Variants in PPME1 observed in about 807,000 individuals in gnomAD.
PPME1 encodes protein phosphatase methylesterase 1.
A neutral mutation model predicts 56.9 loss-of-function variants in PPME1; 17 were observed. The observed-to-expected ratio is 0.30, with a 90% CI of 0.20 to 0.45. PPME1 has a LOEUF of 0.45. PPME1 is among the 20% of genes least tolerant of loss of function. The pLI, the probability that PPME1 is intolerant of heterozygous loss-of-function variation, is 1.00. For missense variants in PPME1, 357 were observed against 483.2 expected, an observed-to-expected ratio of 0.74 and a Z score of 2.45; for synonymous variants, 122 against 156.2, an observed-to-expected ratio of 0.78 and a Z score of 1.63.
At chr11:74,240,421 G>A (rs1183053923) in intron 9 of PPME1, among the ~76,000 whole-genome samples, 1 of 152,184 alleles carries the variant, frequency 6.6e-6, no homozygotes, top group Non-Finnish European at 1.5e-5. Flanking sequence ...CAGGCAAGTA[G>A]TGGTAACAAG....
Position 74,171,532 on chromosome 11 carries a change from C to G in PPME1, c.101+10C>G, listed in dbSNP as rs1444415833. 5.0e-6 allele frequency: 8 copies of G among 1,607,638 alleles called. No individual in the cohort carries two copies. The highest frequency in any genetic ancestry group is 1.7e-5 in the Admixed American group (1 of 59,310). On this transcript the variant is annotated intron_variant, in intron 1 of 13. Transcript: ENST00000328257. ...CCAAGATGCGAATGGGGTACGTGAC[C>G]CATACCCCTTCTCCCTATGGGCCAG...
At chr11:74,182,716 A>T (rs758406068) in intron 1 of PPME1, among the ~76,000 whole-genome samples, 3 of 152,176 alleles carry the variant, frequency 2.0e-5, no homozygotes, top group Admixed American at 6.5e-5. Flanking sequence ...CCAAAACCAG[A>T]ATCAAAATTT....
At chr11:74,201,750 T>C (rs1305522229) in intron 1 of PPME1, among the ~76,000 whole-genome samples, 2 of 152,242 alleles carry the variant, frequency 1.3e-5, no homozygotes, top group Non-Finnish European at 2.9e-5. Context: ...GTGAATATTA[T>C]GTACTATTAC....
At chr11:74,206,150 T>C (rs1253512181) in intron 3 of PPME1, among the ~76,000 whole-genome samples, 1 of 152,224 alleles carries the variant, frequency 6.6e-6, no homozygotes, top group Non-Finnish European at 1.5e-5. Context: ...GCAAAATTTT[T>C]TGGAGGCAAA....
At chr11:74,231,503 A>G (rs544045774) in intron 7 of PPME1, among the ~76,000 whole-genome samples, 34 of 152,372 alleles carry the variant, frequency 2.2e-4, no homozygotes, top group African/African-American at 8.2e-4. Flanking sequence ...CCTTATTGTA[A>G]TAGCATATGA....
At chr11:74,227,370 A>T (rs4121670) in intron 5 of PPME1, among the ~76,000 whole-genome samples, 1 of 145,662 alleles carries the variant, frequency 6.9e-6, no homozygotes, top group Non-Finnish European at 1.5e-5. Context: ...AAAATCATCC[A>T]CAGTAGATGA....
chr11:74,232,498 T>C (rs977017818), intron 7 of PPME1, among the ~76,000 whole-genome samples: 12 of 152,218 alleles, frequency 7.9e-5, no homozygotes, highest in African/African-American at 2.9e-4. Context: ...TGATGCAGGA[T>C]TCCTGTTCTC....
intron 1 of PPME1, among the ~76,000 whole-genome samples, chr11:74,176,887 C>T (rs1857413199): frequency 6.6e-6 from 1 of 151,720 alleles, no homozygotes; most frequent in Non-Finnish European, 1.5e-5. Context: ...TGCACCACCA[C>T]ACCCAGCTAA....
In PPME1 at chr11:74,203,684, T is replaced by A. The variant is rs1320430683; in HGVS notation, c.102-44T>A. 3 of 1,466,064 alleles carry A rather than the reference T, an allele frequency of 2.0e-6. No individual in the cohort carries two copies. In the East Asian group the frequency reaches 6.8e-5, roughly 33 times the overall value. The allele number at this position is 1,466,064 out of a possible 1,614,324, so 90.8% of individuals were successfully genotyped here. A position where few individuals can be genotyped will look rare whatever the true frequency, so the allele number is the denominator to read the frequency against. On this transcript the variant is annotated intron_variant, in intron 1 of 13. Coordinates refer to ENST00000328257, the MANE Select transcript of PPME1 (RefSeq NM_016147.3). ...TTTATTGACCAAGATTTTATCTCTT[T>A]ATGCATAATTTTTCTGAAATGTCTC...
chr11:74,176,803 C>G (rs1334805246), intron 1 of PPME1, among the ~76,000 whole-genome samples: 2 of 149,842 alleles, frequency 1.3e-5, no homozygotes, highest in African/African-American at 4.9e-5. Flanking sequence ...TGATCTTGGC[C>G]CACTACAACC....
At chr11:74,253,126 A>AG (rs1286725072) in intron 13 of PPME1, among the ~76,000 whole-genome samples, 8 of 152,160 alleles carry the variant, frequency 5.3e-5, no homozygotes, top group Non-Finnish European at 8.8e-5. Flanking sequence ...TGAGAGTGAC[A>AG]GGGCAGGGTA....
chr11:74,249,123 A>C (rs1231900515), intron 11 of PPME1: 1 of 152,230 alleles, frequency 6.6e-6, no homozygotes, highest in East Asian at 1.9e-4. Flanking sequence ...AATATGGATT[A>C]TATCAAGACC....
intron 3 of PPME1, among the ~76,000 whole-genome samples, chr11:74,209,990 A>G (rs546282781): frequency 1.3e-5 from 2 of 152,122 alleles, no homozygotes; most frequent in Non-Finnish European, 2.9e-5. Context: ...TGAGCCCAGG[A>G]GTTCGAGGTT....
intron 3 of PPME1, among the ~76,000 whole-genome samples, chr11:74,207,856 A>G (rs186061317): frequency 4.3e-4 from 66 of 152,338 alleles, no homozygotes; most frequent in Admixed American, 1.2e-3. Flanking sequence ...GTACCTCTGA[A>G]GAATCTGGGA....
At chr11:74,246,985 T>C in intron 10 of PPME1, 94 bp from the exon 11 acceptor site, 1 of 1,066,480 alleles carries the variant, frequency 9.4e-7, no homozygotes, top group South Asian at 1.4e-5. Flanking sequence ...TAAACATGAA[T>C]GGAGAATGTC....
intron 1 of PPME1, among the ~76,000 whole-genome samples, chr11:74,193,641 C>A (rs1857901943): frequency 6.6e-6 from 1 of 152,112 alleles, no homozygotes; most frequent in Admixed American, 6.6e-5. Context: ...CTCTTCCCTT[C>A]ATATTTCTTA....
rs554096204 is a variant in PPME1 at position 74,174,322 on chromosome 11, G to C, written c.101+2800G>C. On this transcript the variant is annotated intron_variant, in intron 1 of 13. Coordinates refer to ENST00000328257, the MANE Select transcript of PPME1 (RefSeq NM_016147.3). ...CATTGTGTATTTTGGAGTCATAATT[G>C]TCATCTGGGGATACTTATTTTGAGT... 1.5e-4 allele frequency among the ~76,000 whole-genome samples: 23 copies of C among 152,250 alleles called. No homozygotes were observed. The South Asian group carries it at 4.8e-3, about 32-fold the overall frequency.
intron 3 of PPME1, among the ~76,000 whole-genome samples, chr11:74,208,882 G>A (rs1858398654): frequency 6.6e-6 from 1 of 152,208 alleles, no homozygotes; most frequent in Non-Finnish European, 1.5e-5. Context: ...GCATTGAAGA[G>A]TGTAACAGTG....
chr11:74,191,979 G>T (rs972426927), intron 1 of PPME1, among the ~76,000 whole-genome samples: 2 of 152,226 alleles, frequency 1.3e-5, no homozygotes, highest in African/African-American at 4.8e-5. Context: ...TAGTGGAATT[G>T]TGGGAAAGGG....
Sources: gnomAD v4.1 joint callset for allele counts (sites outside exome capture counted in the v4.1 genomes callset) on GRCh38, gnomAD v4.1.1 for gene constraint, MANE v1.5 for transcripts, NCBI Gene and HGNC (gene_info 2026-07-23, HGNC 2026-07-21) for gene names.